The following WAC variants were observed in gnomAD, a reference collection of about 807,000 sequenced individuals.
WAC encodes WW domain-containing adapter protein with coiled-coil.
WAC carries 11 observed loss-of-function variants against 79.6 expected under a neutral mutation model. The ratio of observed to expected loss-of-function variants is 0.14; its 90% confidence interval spans 0.09 to 0.23. The LOEUF (loss-of-function observed/expected upper bound fraction) is 0.23, where lower values mean the gene tolerates loss of function less well. Among genes scored for constraint, WAC ranks in the 10% least tolerant of loss-of-function variants. WAC has a pLI of 1.00. For synonymous variants in WAC, 304 were observed against 276.9 expected (o/e 1.10, Z -0.97); for missense variants, 728 against 773.5 (o/e 0.94, Z 0.70).
intron 3 of WAC, among the ~76,000 whole-genome samples, chr10:28,558,035 T>C (rs1262232878): frequency 2.0e-5 from 3 of 152,010 alleles, no homozygotes; most frequent in African/African-American, 7.2e-5. Context: ...GATTGTGCCA[T>C]TGCATTCCAG....
At chr10:28,543,726 T>C (rs1039129852) in intron 3 of WAC, among the ~76,000 whole-genome samples, 1 of 152,190 alleles carries the variant, frequency 6.6e-6, no homozygotes, top group African/African-American at 2.4e-5. Context: ...TGTAGAAAAA[T>C]TAGGAAATGC....
intron 6 of WAC, among the ~76,000 whole-genome samples, chr10:28,592,710 A>C (rs1840157987): frequency 6.6e-6 from 1 of 152,230 alleles, no homozygotes; most frequent in Non-Finnish European, 1.5e-5. Flanking sequence ...TTTCAAAAGT[A>C]GGCCATATTC....
At chr10:28,580,096 A>G (rs1839457798) in intron 3 of WAC, among the ~76,000 whole-genome samples, 1 of 152,196 alleles carries the variant, frequency 6.6e-6, no homozygotes, top group Non-Finnish European at 1.5e-5. Context: ...TCCCTATCCA[A>G]AAAGCTCTTG....
At chr10:28,618,287 A>AT (rs1389071107) in intron 13 of WAC, among the ~76,000 whole-genome samples, 1 of 152,170 alleles carries the variant, frequency 6.6e-6, no homozygotes, top group Non-Finnish European at 1.5e-5. Flanking sequence ...CATAGGTATT[A>AT]TTTTTTAATG....
rs796129177 is a variant in WAC at position 28,612,538 on chromosome 10, G to GTA, written c.1437+617_1437+618dup. On this transcript the variant is annotated intron_variant, in intron 10 of 13. Transcript: ENST00000354911. The stretch of plus-strand genomic sequence containing the variant: ...AAAATTGCTGGTCTAAATGGTAAAT[G>GTA]TAGGGGGAATTTCTTTTGAGTAGTT... Among the ~76,000 whole-genome samples the GTA allele has an allele frequency of 2.0e-4, 31 of 152,340 alleles. No individual in the cohort carries two copies. In the East Asian group the frequency reaches 5.6e-3, roughly 27 times the overall value.
chr10:28,619,349 GA>G (rs1428548533), intron 13 of WAC, among the ~76,000 whole-genome samples, 187 bp from the exon 14 acceptor site: 1 of 152,120 alleles, frequency 6.6e-6, no homozygotes, highest in Non-Finnish European at 1.5e-5. Context: ...TACTTTAATA[GA>G]TATTATGTAT....
At chr10:28,598,762 G>T (rs1443987512) in intron 7 of WAC, among the ~76,000 whole-genome samples, 1 of 152,156 alleles carries the variant, frequency 6.6e-6, no homozygotes, top group Admixed American at 6.6e-5. Flanking sequence ...CAGTTCGGAC[G>T]CTCGTAATGT....
Position 28,590,809 on chromosome 10 carries a change from C to G in WAC, c.587C>G (p.Ala196Gly), listed in dbSNP as rs754722221. 2.5e-6 allele frequency: 4 copies of G among 1,611,198 alleles called. No homozygotes were observed. Among genetic ancestry groups the G allele is most frequent in the Non-Finnish European group, 3.4e-6 (4 of 1,179,190 alleles). The change falls in exon 6 of 14, where the codon GCC becomes GGC. Residue 196 changes from alanine (A) to glycine (G), a missense_variant. By Grantham distance (60) the Ala-to-Gly change is moderately conservative. Coordinates refer to ENST00000354911, the MANE Select transcript of WAC (RefSeq NM_016628.5). ...AGAAGAGAGGTGATGCAAGCAACAGCCACTAGTGGGTTTGCCAGTGGAAGT... is the reference window on the plus strand; with the variant it reads ...AGAAGAGAGGTGATGCAAGCAACAGGCACTAGTGGGTTTGCCAGTGGAAGT... ...DYRREVMQATATSGFASGMED... is the reference protein window; with the variant it reads ...DYRREVMQATGTSGFASGMED...
At position 28,556,388 on chromosome 10, in the gene WAC, A is replaced by ATTTT. The variant is rs764934182; in HGVS notation, c.274+20655_274+20658dup. 9.0e-3 allele frequency among the ~76,000 whole-genome samples: 493 copies of ATTTT among 55,078 alleles called. 84 individuals carry two copies. The highest frequency in any genetic ancestry group is 0.042 in the East Asian group (67 of 1,594). The allele number at this position is 55,078 out of a possible 152,430, so 36.1% of individuals were successfully genotyped here. On this transcript the variant is annotated intron_variant, in intron 3 of 13. Transcript: ENST00000354911. ...TAGATTCAATTTCGTTGCCCATTAA[A>ATTTT]TTTTTTTTTTTTTTTTTTTTTTTTT... is the stretch of plus-strand genomic sequence containing the variant.
At chr10:28,559,860 A>G (rs2807755) in intron 3 of WAC, among the ~76,000 whole-genome samples, 17,711 of 152,212 alleles carry the variant, frequency 0.12, 1,490 homozygotes, top group East Asian at 0.31. Flanking sequence ...GAAAGGGTTC[A>G]CATTCCTCAG....
chr10:28,598,154 G>T (rs1564410060), intron 7 of WAC, among the ~76,000 whole-genome samples: 1 of 152,174 alleles, frequency 6.6e-6, no homozygotes. Context: ...AAATTGAATT[G>T]TGTCGGCTCC....
intron 8 of WAC, among the ~76,000 whole-genome samples, chr10:28,609,493 C>G: frequency 6.9e-6 from 1 of 145,890 alleles, no homozygotes; most frequent in East Asian, 1.9e-4. Context: ...TTAGTCTGTT[C>G]TTACTGTCCT....
At chr10:28,539,264 AC>A (rs1445747791) in intron 3 of WAC, among the ~76,000 whole-genome samples, 1 of 152,226 alleles carries the variant, frequency 6.6e-6, no homozygotes, top group Non-Finnish European at 1.5e-5. Flanking sequence ...ACTTGCAGAT[AC>A]AATATAAAAA....
rs1436586871 is a variant in WAC, at chr10:28,562,127, G to C, written c.275-21272G>C. Among the ~76,000 whole-genome samples, 4 of 152,166 alleles carry C rather than the reference G, an allele frequency of 2.6e-5. No individual in the cohort carries two copies. The South Asian group carries it at 8.3e-4, about 32-fold the overall frequency. On this transcript the variant is annotated intron_variant, in intron 3 of 13. Transcript: ENST00000354911. ...GGTTGGAGTGCAGTGGCGCCATCTT[G>C]GTTCACTGCAACTTTGCCTCCTGAG... is the stretch of plus-strand genomic sequence containing the variant.
rs531982583 is a variant in WAC, at chr10:28,573,683, T to G, written c.275-9716T>G. Among the ~76,000 whole-genome samples, 6 of 152,326 alleles carry G rather than the reference T, an allele frequency of 3.9e-5. No homozygotes were observed. The East Asian group carries it at 9.6e-4, about 24-fold the overall frequency. The stretch of plus-strand genomic sequence containing the variant: ...AATTAAAGTCACATGTATAGTAGAT[T>G]GCTTTTTTTGGTGGGGGCGTAAGTT... On this transcript the variant is annotated intron_variant, in intron 3 of 13. Transcript: ENST00000354911.
chr10:28,611,590 C>G, intron 9 of WAC, 184 bp from the exon 10 acceptor site: 1 of 1,239,070 alleles, frequency 8.1e-7, no homozygotes, highest in South Asian at 1.6e-5. Flanking sequence ...ACACAGCTCA[C>G]TTAGTCAGTG....
chr10:28,574,860 GT>G (rs1291478511), intron 3 of WAC, among the ~76,000 whole-genome samples: 1 of 152,100 alleles, frequency 6.6e-6, no homozygotes, highest in Non-Finnish European at 1.5e-5. Flanking sequence ...TTGGTCGGTG[GT>G]TTTTTTCATC....
chr10:28,550,486 A>C (rs1357720376), intron 3 of WAC, among the ~76,000 whole-genome samples: 1 of 151,456 alleles, frequency 6.6e-6, no homozygotes, highest in African/African-American at 2.4e-5. Flanking sequence ...AATTATTTAC[A>C]TATGTTGTTT....
intron 6 of WAC, among the ~76,000 whole-genome samples, chr10:28,592,317 G>A (rs1019833755): frequency 2.6e-5 from 4 of 152,098 alleles, no homozygotes; most frequent in Non-Finnish European, 5.9e-5. Context: ...CAGGGGAGGG[G>A]ATGCACAGAA....
Sources: gnomAD v4.1 joint callset for allele counts (sites outside exome capture counted in the v4.1 genomes callset) on GRCh38, gnomAD v4.1.1 for gene constraint, MANE v1.5 for transcripts, NCBI Gene and HGNC (gene_info 2026-07-23, HGNC 2026-07-21) for gene names.